Variants in LDLRAD4 observed in about 807,000 individuals in gnomAD.
LDLRAD4 encodes low-density lipoprotein receptor class A domain-containing protein 4.
A neutral mutation model predicts 17.0 loss-of-function variants in LDLRAD4; 5 were observed. The observed-to-expected ratio is 0.29, with a 90% confidence interval of 0.15 to 0.62. LDLRAD4 has a LOEUF of 0.62. LDLRAD4 is among the 20% of genes least tolerant of loss of function. The pLI is 0.84. For missense variants in LDLRAD4, 340 were observed against 424.7 expected (o/e 0.80, Z 1.75); for synonymous variants, 168 against 171.8 (o/e 0.98, Z 0.17).
chr18:13,292,048 T>C (rs555989673), intron 1 of LDLRAD4, among the ~76,000 whole-genome samples: 18 of 152,342 alleles, frequency 1.2e-4, no homozygotes, highest in Admixed American at 3.3e-4. Flanking sequence ...CACATGCATT[T>C]GCTGTGTGCC....
At chr18:13,495,846 G>A (rs577149644) in intron 3 of LDLRAD4, among the ~76,000 whole-genome samples, 40 of 152,294 alleles carry the variant, frequency 2.6e-4, no homozygotes, top group South Asian at 1.2e-3. Flanking sequence ...CTGCCACTGC[G>A]CAGTGTTCAG....
intron 1 of LDLRAD4, among the ~76,000 whole-genome samples, chr18:13,232,994 T>C (rs1052515094): frequency 2.0e-5 from 3 of 152,204 alleles, no homozygotes; most frequent in Non-Finnish European, 4.4e-5. Context: ...TTAAAATGAT[T>C]AGGTGGCAGG....
intron 3 of LDLRAD4, among the ~76,000 whole-genome samples, chr18:13,481,301 C>G (rs1471599622): frequency 6.6e-5 from 10 of 152,184 alleles, no homozygotes; most frequent in Admixed American, 6.5e-4. Flanking sequence ...AGTCTTGAGG[C>G]AGACACTTCC....
intron 1 of LDLRAD4, among the ~76,000 whole-genome samples, chr18:13,316,748 A>G (rs896422919): frequency 6.6e-6 from 1 of 152,190 alleles, no homozygotes; most frequent in African/African-American, 2.4e-5. Context: ...ACATGTTACA[A>G]TCTCCAAAGT....
intron 2 of LDLRAD4, among the ~76,000 whole-genome samples, chr18:13,416,454 A>G (rs914676319): frequency 2.6e-4 from 40 of 152,138 alleles, no homozygotes; most frequent in Non-Finnish European, 8.8e-5. Flanking sequence ...TGGGTTCGTC[A>G]TCTCTCTGGG....
At chr18:13,245,490 A>G (rs554827142) in intron 1 of LDLRAD4, among the ~76,000 whole-genome samples, 7 of 152,322 alleles carry the variant, frequency 4.6e-5, no homozygotes, top group African/African-American at 7.2e-5. Context: ...ATCACTTTTC[A>G]TATGTGAAAC....
chr18:13,291,638 G>A (rs1001307064), intron 1 of LDLRAD4, among the ~76,000 whole-genome samples: 1 of 152,042 alleles, frequency 6.6e-6, no homozygotes, highest in African/African-American at 2.4e-5. Context: ...TTACCCCAAA[G>A]CCACAACTAG....
At chr18:13,638,659 T>C (rs1424413341) in intron 4 of LDLRAD4, among the ~76,000 whole-genome samples, 1 of 152,212 alleles carries the variant, frequency 6.6e-6, no homozygotes, top group East Asian at 1.9e-4. Context: ...GTCCTTATAA[T>C]GGTCAAACAT....
intron 3 of LDLRAD4, chr18:13,562,009 T>C (rs1290369): frequency 0.81 from 123,914 of 152,232 alleles, 50,716 homozygotes; most frequent in Middle Eastern, 0.89. Context: ...TAATTTTACT[T>C]GACCACCTGG....
chr18:13,579,605 G>T (rs964894327), intron 3 of LDLRAD4, among the ~76,000 whole-genome samples: 1 of 152,106 alleles, frequency 6.6e-6, no homozygotes. Context: ...AGTCTTCCTG[G>T]GATCATAGTG....
intron 1 of LDLRAD4, among the ~76,000 whole-genome samples, chr18:13,384,302 C>T (rs2085619118): frequency 6.6e-6 from 1 of 152,272 alleles, no homozygotes; most frequent in Admixed American, 6.5e-5. Flanking sequence ...CAAATAATAA[C>T]TGCATATATG....
chr18:13,390,540 C>G (rs1228794388), intron 2 of LDLRAD4, among the ~76,000 whole-genome samples: 1 of 152,178 alleles, frequency 6.6e-6, no homozygotes, highest in African/African-American at 2.4e-5. Flanking sequence ...TCAGGACTCT[C>G]ATCCTCACAA....
At chr18:13,619,206 C>T (rs905407712) in intron 3 of LDLRAD4, among the ~76,000 whole-genome samples, 1 of 152,118 alleles carries the variant, frequency 6.6e-6, no homozygotes, top group Admixed American at 6.5e-5. Context: ...GCCTGGGAGA[C>T]GTCACATGGT....
chr18:13,529,477 G>C (rs2094093261), intron 3 of LDLRAD4, among the ~76,000 whole-genome samples: 1 of 152,216 alleles, frequency 6.6e-6, no homozygotes, highest in African/African-American at 2.4e-5. Context: ...AAGGCAGGCT[G>C]TCGCGGTGCA....
chr18:13,645,496 A>G lies in LDLRAD4; in HGVS notation c.760A>G (p.Thr254Ala). ...CGGGAGGATGGAGGGGCCACCCCCC[A>G]CATACAGCGAGGTGATGGGCCACCA... Residue 254 changes from threonine to alanine, a missense_variant, in exon 6 of 6, where the codon ACA becomes GCA. Thr to Ala is a moderately conservative substitution (Grantham distance 58). Coordinates refer to ENST00000359446, the Ensembl canonical transcript of LDLRAD4. This position sits in a 1 kb window ranked among gnomAD's most constrained non-coding sequence, Gnocchi z 5.7. 6.2e-7 allele frequency: 1 copy of G among 1,610,606 alleles called. No homozygotes were observed. The highest frequency in any genetic ancestry group is 8.5e-7 in the Non-Finnish European group (1 of 1,178,190).
chr18:13,546,244 G>T (rs1405936985), intron 3 of LDLRAD4, among the ~76,000 whole-genome samples: 1 of 152,064 alleles, frequency 6.6e-6, no homozygotes, highest in Non-Finnish European at 1.5e-5. Context: ...GTAAGGGAGG[G>T]GAGTTCAGTG....
chr18:13,483,659 C>G (rs923638243), intron 3 of LDLRAD4, among the ~76,000 whole-genome samples: 1 of 152,224 alleles, frequency 6.6e-6, no homozygotes, highest in African/African-American at 2.4e-5. Flanking sequence ...ACGCCAGATA[C>G]TGTGCGTGTT....
At chr18:13,319,917 T>C (rs2081129337) in intron 1 of LDLRAD4, among the ~76,000 whole-genome samples, 1 of 152,256 alleles carries the variant, frequency 6.6e-6, no homozygotes, top group African/African-American at 2.4e-5. Flanking sequence ...GTCTCATTTC[T>C]ATTATAATTT....
Position 13,598,153 on chromosome 18 carries a change from G to A in LDLRAD4, c.182-22964G>A, listed in dbSNP as rs975430810. Among the ~76,000 whole-genome samples, 15 of 152,284 alleles carry A rather than the reference G, an allele frequency of 9.9e-5. No homozygotes were observed. The East Asian group carries it at 2.3e-3, about 23-fold the overall frequency. ...TATTGTATTGACTCCTCTAGAGACG[G>A]ATTTTCTCCTCCTCCCCAGAACTTC... On this transcript the variant is annotated intron_variant, in intron 3 of 5. Coordinates refer to ENST00000359446, the Ensembl canonical transcript of LDLRAD4.
Sources: gnomAD v4.1 joint callset for allele counts (sites outside exome capture counted in the v4.1 genomes callset) on GRCh38, gnomAD v4.1.1 for gene constraint, Gnocchi (gnomAD v3.1) non-coding constraint, MANE v1.5 for transcripts, NCBI Gene and HGNC (gene_info 2026-07-23, HGNC 2026-07-21) for gene names.